Variants in PKM observed in about 807,000 individuals in gnomAD.
The protein encoded by PKM is pyruvate kinase PKM.
In PKM, 18 loss-of-function variants were observed where a neutral mutation model predicts 49.8. The ratio of observed to expected loss-of-function variants is 0.36; its 90% confidence interval spans 0.25 to 0.54. The LOEUF (loss-of-function observed/expected upper bound fraction) is 0.54. Among genes scored for constraint, PKM ranks in the 20% least tolerant of loss-of-function variants. The pLI is 0.89. For synonymous variants in PKM, 239 were observed against 261.8 expected (o/e 0.91, Z 0.84); for missense variants, 508 against 713.8 (o/e 0.71, Z 3.28).
intron 3 of PKM, among the ~76,000 whole-genome samples, chr15:72,216,304 A>G (rs2082375539): frequency 6.6e-6 from 1 of 152,188 alleles, no homozygotes; most frequent in African/African-American, 2.4e-5. Context: ...CCCATGATCT[A>G]TGGGAAACCT....
Position 72,199,526 on chromosome 15 carries a change from C to A in PKM, c.*124G>T. The A allele has an allele frequency of 1.4e-6, 1 of 740,346 alleles. No individual in the cohort carries two copies. Among genetic ancestry groups the A allele is most frequent in the South Asian group, 1.5e-5 (1 of 67,788 alleles). 45.9% of individuals were successfully genotyped at this position (740,346 alleles called of 1,614,324 possible). A position where few individuals can be genotyped will look rare whatever the true frequency, so the allele number is the denominator to read the frequency against. ...TTCAGTGAGGCGTTGATCTTCTTCC[C>A]TGGTGTCCCAACCTACCAGTGCCAC... On this transcript the variant is annotated 3_prime_UTR_variant, in exon 11 of 11. Transcript: ENST00000335181.
chr15:72,201,637 G>T (rs2081947801), intron 9 of PKM: 1 of 152,286 alleles, frequency 6.6e-6, no homozygotes, highest in Non-Finnish European at 1.5e-5. Context: ...TTTAAGAAAG[G>T]TCAACCCTAC....
chr15:72,222,051 A>G (rs2082540350), intron 1 of PKM, among the ~76,000 whole-genome samples: 1 of 152,228 alleles, frequency 6.6e-6, no homozygotes, highest in Non-Finnish European at 1.5e-5. Flanking sequence ...GTTCTGGTAC[A>G]GAAGGGCTGC....
chr15:72,220,607 G>A (rs1038805978), intron 1 of PKM, among the ~76,000 whole-genome samples: 1 of 152,214 alleles, frequency 6.6e-6, no homozygotes, highest in Non-Finnish European at 1.5e-5. Context: ...TCATTTCGAT[G>A]TGTATTTCCT....
chr15:72,209,229 T>C (rs1471478132), intron 5 of PKM, among the ~76,000 whole-genome samples: 2 of 150,774 alleles, frequency 1.3e-5, no homozygotes, highest in African/African-American at 4.9e-5. Flanking sequence ...ATTAGCCGGG[T>C]GTGGTGGCGG....
At position 72,219,034 on chromosome 15, in the gene PKM, T is replaced by C; in HGVS notation, c.64A>G (p.Met22Val). ...FIQTQQLHAA[M>V]ADTFLEHMCR... ...ATGTGCTCCAGGAATGTGTCAGCCA[T>C]GGCTGCGTGCAGCTGCTGGGTCTGA... The change falls in exon 2 of 11, where the codon ATG becomes GTG. Residue 22 changes from methionine to valine, a missense_variant. By Grantham distance (21) the Met-to-Val change is conservative. Coordinates refer to ENST00000335181, the MANE Select transcript of PKM (RefSeq NM_002654.6). 2.5e-6 allele frequency: 4 copies of C among 1,614,210 alleles called. No individual in the cohort carries two copies. Among genetic ancestry groups the C allele is most frequent in the African/African-American group, 1.3e-5 (1 of 75,060 alleles).
At position 72,200,390 on chromosome 15, in the gene PKM, C is replaced by T. The variant is rs1405910640; in HGVS notation, c.1489+84G>A. ...GGTCTGTGTGTTCCCCTTTCTATTC[C>T]CCAAACTTTCGGGGTCCCACAGAAG... On this transcript the variant is annotated intron_variant, in intron 10 of 10. Coordinates refer to ENST00000335181, the MANE Select transcript of PKM (RefSeq NM_002654.6). This position sits in a 1 kb window ranked among gnomAD's most constrained non-coding sequence, Gnocchi z 4.6. 2 of 1,337,142 alleles carry T rather than the reference C, an allele frequency of 1.5e-6. No individual in the cohort carries two copies. Among genetic ancestry groups the T allele is most frequent in the South Asian group, 1.2e-5 (1 of 83,528 alleles). 82.8% of individuals were successfully genotyped at this position (1,337,142 alleles called of 1,614,324 possible). A position where few individuals can be genotyped will look rare whatever the true frequency, so the allele number is the denominator to read the frequency against.
intron 1 of PKM, chr15:72,221,243 A>C (rs2082513942): frequency 4.6e-6 from 7 of 1,535,550 alleles, no homozygotes; most frequent in Non-Finnish European, 6.1e-6. Context: ...TGGCCTCACT[A>C]GCAAAGACCG....
intron 10 of PKM, among the ~76,000 whole-genome samples, chr15:72,199,978 A>G (rs1365058297): frequency 6.6e-6 from 1 of 152,092 alleles, no homozygotes; most frequent in Non-Finnish European, 1.5e-5. Flanking sequence ...GACATCATTC[A>G]CTATCCTGGA....
At chr15:72,212,320 CA>C (rs2082274203) in intron 3 of PKM, among the ~76,000 whole-genome samples, 1 of 151,890 alleles carries the variant, frequency 6.6e-6, no homozygotes, top group Non-Finnish European at 1.5e-5. Context: ...ACTTAAAATA[CA>C]AAAATTAGCT....
At chr15:72,222,232 A>G (rs2082545518) in intron 1 of PKM, among the ~76,000 whole-genome samples, 1 of 152,232 alleles carries the variant, frequency 6.6e-6, no homozygotes. Flanking sequence ...TTAGCAGTCA[A>G]AAAAAGCTTG....
intron 1 of PKM, chr15:72,229,719 G>A: frequency 8.4e-7 from 1 of 1,194,368 alleles, no homozygotes. Context: ...AAGATTGTGA[G>A]CTCGGTGGGC....
chr15:72,229,741 T>G, intron 1 of PKM: 2 of 1,163,528 alleles, frequency 1.7e-6, no homozygotes, highest in Non-Finnish European at 2.2e-6. Flanking sequence ...ATGACTCGTC[T>G]AGTCATCCTG....
At chr15:72,216,438 T>C (rs1360015438) in intron 3 of PKM, among the ~76,000 whole-genome samples, 4 of 152,060 alleles carry the variant, frequency 2.6e-5, no homozygotes, top group Non-Finnish European at 5.9e-5. Context: ...CAAGGCAATA[T>C]AGTGAGACCT....
chr15:72,210,559 G>C, intron 3 of PKM, 81 bp from the exon 4 acceptor site: 2 of 1,529,736 alleles, frequency 1.3e-6, no homozygotes, highest in South Asian at 1.1e-5. Context: ...AGCCAAAGCT[G>C]ATCACTCAGG....
At chr15:72,210,294 TCTGGGGCATATTGCCTA>T in intron 4 of PKM, 36 bp downstream of exon 4, 1 of 1,598,058 alleles carries the variant, frequency 6.3e-7, no homozygotes. Context: ...AGGACATGTC[TCTGGGGCATATTGCCTA>T]CTGAGCCTTC....
At chr15:72,205,217 G>A (rs1317428248) in intron 8 of PKM, among the ~76,000 whole-genome samples, 19 of 152,062 alleles carry the variant, frequency 1.2e-4, no homozygotes, top group Admixed American at 2.6e-4. Flanking sequence ...GGGTTCAAGC[G>A]ATCCTGCTGC....
chr15:72,210,949 C>A (rs2140680907), intron 3 of PKM, among the ~76,000 whole-genome samples: 1 of 152,292 alleles, frequency 6.6e-6, no homozygotes, highest in East Asian at 1.9e-4. Context: ...ATGCTGAGAG[C>A]TTTTCCTCTA....
At chr15:72,228,010 GC>G (rs1356527055) in intron 1 of PKM, among the ~76,000 whole-genome samples, 1 of 152,140 alleles carries the variant, frequency 6.6e-6, no homozygotes, top group Non-Finnish European at 1.5e-5. Context: ...TAGAGTCACC[GC>G]CACCAAATTT....
Sources: allele counts gnomAD v4.1 joint callset (sites outside exome capture counted in the v4.1 genomes callset), GRCh38; gene constraint gnomAD v4.1.1; non-coding constraint Gnocchi (gnomAD v3.1); transcripts MANE v1.5; gene names NCBI Gene and HGNC (gene_info 2026-07-23, HGNC 2026-07-21).